The following EVA1A variants were observed in gnomAD, a reference collection of about 807,000 sequenced individuals.
EVA1A encodes the protein eva-1 homolog A, regulator of programmed cell death.
In EVA1A, 7 loss-of-function variants were observed where a neutral mutation model predicts 9.8. That is an observed-to-expected ratio of 0.71 (90% confidence interval 0.41 to 1.34). The LOEUF is 1.34. Among genes scored for constraint, EVA1A ranks in the 40% most tolerant of loss-of-function variants. EVA1A has a pLI of 0.01. For missense variants in EVA1A, 206 were observed against 205.9 expected, an observed-to-expected ratio of 1.00 and a Z score of 0.00; for synonymous variants, 90 against 85.6, an observed-to-expected ratio of 1.05 and a Z score of -0.28.
chr2:75,532,428 C>T (rs1391982484), intron 1 of EVA1A, among the ~76,000 whole-genome samples: 6 of 152,034 alleles, frequency 3.9e-5, no homozygotes, highest in African/African-American at 1.2e-4. Context: ...TAAAAGCCAA[C>T]GTTTATTAAG....
At chr2:75,519,206 C>T (rs1026948771) in intron 2 of EVA1A, among the ~76,000 whole-genome samples, 12 of 152,180 alleles carry the variant, frequency 7.9e-5, no homozygotes, top group African/African-American at 2.7e-4. Context: ...AGACCCAATT[C>T]GATGCTGCTA....
chr2:75,559,706 G>GT (rs386390503), intron 1 of EVA1A, among the ~76,000 whole-genome samples: 1 of 131,220 alleles, frequency 7.6e-6, no homozygotes, highest in Non-Finnish European at 1.6e-5. Context: ...GTGGGGGGGG[G>GT]GCGGGGGAGT....
chr2:75,565,338 A>G (rs764474959), upstream of EVA1A, among the ~76,000 whole-genome samples: 12 of 152,218 alleles, frequency 7.9e-5, no homozygotes, highest in Non-Finnish European at 1.3e-4. Flanking sequence ...AGCCACTTCT[A>G]TAGGAAATGC....
intron 1 of EVA1A, among the ~76,000 whole-genome samples, chr2:75,543,859 C>T (rs1185875443): frequency 6.6e-6 from 1 of 152,154 alleles, no homozygotes; most frequent in Non-Finnish European, 1.5e-5. Context: ...CCAAGCCAGC[C>T]CTGCTAAAGA....
At position 75,494,581 on chromosome 2, in the gene EVA1A, G is replaced by T. The variant is rs530467196; in HGVS notation, c.86-972C>A. On this transcript the variant is annotated intron_variant, in intron 3 of 3. Coordinates refer to ENST00000393913, the MANE Select transcript of EVA1A (RefSeq NM_001135032.2). The stretch of plus-strand genomic sequence containing the variant: ...CTTTGGCCAACACCCTTTGAGGAAT[G>T]GTGCCAACAGCCATGTGAATGAGCT... Among the ~76,000 whole-genome samples the T allele has an allele frequency of 2.6e-5, 4 of 152,308 alleles. No individual in the cohort carries two copies. In the East Asian group the frequency reaches 5.8e-4, roughly 22 times the overall value.
chr2:75,540,494 T>C lies in EVA1A; in HGVS notation c.-191-18007A>G, dbSNP rs55841936. On this transcript the variant is annotated intron_variant, in intron 1 of 3. Coordinates refer to ENST00000393913, the MANE Select transcript of EVA1A (RefSeq NM_001135032.2). ...GCAAATGTTGAGTTTCCACAGCTGC[T>C]GGCTTCAGCCTACCCAGAGGAATAG... Among the ~76,000 whole-genome samples the C allele has an allele frequency of 5.3e-3, 801 of 152,320 alleles. 5 individuals carry two copies. Among genetic ancestry groups the C allele is most frequent in the African/African-American group, 0.018 (746 of 41,578 alleles).
At chr2:75,562,239 A>G (rs1676940583), upstream of EVA1A, among the ~76,000 whole-genome samples, 2 of 152,198 alleles carry the variant, frequency 1.3e-5, no homozygotes, top group Admixed American at 1.3e-4. Context: ...GGTGTCTATT[A>G]GAAACACCTG....
chr2:75,509,160 A>C (rs1198449950), intron 3 of EVA1A, among the ~76,000 whole-genome samples: 2 of 152,176 alleles, frequency 1.3e-5, no homozygotes, highest in Non-Finnish European at 2.9e-5. Context: ...ATTTACCTTG[A>C]ATTTAAGGGG....
intron 1 of EVA1A, among the ~76,000 whole-genome samples, chr2:75,533,692 T>C (rs1675762846): frequency 6.6e-6 from 1 of 152,046 alleles, no homozygotes. Flanking sequence ...ATCCCAGCGA[T>C]TTGGGAGGTG....
chr2:75,495,895 T>C (rs1674195048), intron 3 of EVA1A, among the ~76,000 whole-genome samples: 1 of 152,236 alleles, frequency 6.6e-6, no homozygotes, highest in Admixed American at 6.5e-5. Flanking sequence ...TCCTCCTTTG[T>C]TGGTTGTCTT....
At chr2:75,563,721 C>T (rs942262173), upstream of EVA1A, among the ~76,000 whole-genome samples, 5 of 152,194 alleles carry the variant, frequency 3.3e-5, no homozygotes, top group African/African-American at 9.6e-5. Context: ...CCTCTGCCCA[C>T]CCCCATTCTA....
chr2:75,556,393 C>T (rs952399242), intron 1 of EVA1A, among the ~76,000 whole-genome samples: 2 of 152,172 alleles, frequency 1.3e-5, no homozygotes, highest in African/African-American at 4.8e-5. Flanking sequence ...CGAAGTGTGA[C>T]ATCAGAGGCC....
chr2:75,532,517 G>A (rs1295964568), intron 1 of EVA1A, among the ~76,000 whole-genome samples: 1 of 152,138 alleles, frequency 6.6e-6, no homozygotes, highest in Non-Finnish European at 1.5e-5. Flanking sequence ...AGTAAATGGA[G>A]GAGGCAGATG....
chr2:75,512,224 G>A (rs555173162), intron 3 of EVA1A, among the ~76,000 whole-genome samples: 1 of 152,244 alleles, frequency 6.6e-6, no homozygotes, highest in Non-Finnish European at 1.5e-5. Context: ...AATGAGGTCA[G>A]TATTATTAAT....
intron 1 of EVA1A, among the ~76,000 whole-genome samples, chr2:75,527,957 A>G (rs1022826743): frequency 6.6e-6 from 1 of 152,236 alleles, no homozygotes. Context: ...GCCTCTGAAC[A>G]TACATCCTCA....
intron 2 of EVA1A, among the ~76,000 whole-genome samples, chr2:75,521,085 A>G (rs1675213848): frequency 6.6e-6 from 1 of 152,228 alleles, no homozygotes; most frequent in Admixed American, 6.5e-5. Flanking sequence ...ATATACAAGT[A>G]GTCAATAGGC....
chr2:75,544,249 C>T (rs1676245304), intron 1 of EVA1A, among the ~76,000 whole-genome samples: 1 of 152,166 alleles, frequency 6.6e-6, no homozygotes, highest in Non-Finnish European at 1.5e-5. Flanking sequence ...ATCACCCTGG[C>T]CCCCTAGCGC....
At chr2:75,555,338 C>CTCTCT (rs1553421964) in intron 1 of EVA1A, among the ~76,000 whole-genome samples, 727 of 40,088 alleles carry the variant, frequency 0.018, 7 homozygotes, top group African/African-American at 0.05. Flanking sequence ...TCTCTCTCTC[C>CTCTCT]CCCATCTCCC....
At chr2:75,539,903 GC>G (rs1329529887) in intron 1 of EVA1A, among the ~76,000 whole-genome samples, 2 of 152,172 alleles carry the variant, frequency 1.3e-5, no homozygotes, top group African/African-American at 4.8e-5. Context: ...TGTTGCCAAA[GC>G]CCAGGAGCCA....
Sources: gnomAD v4.1 joint callset for allele counts (sites outside exome capture counted in the v4.1 genomes callset) on GRCh38, gnomAD v4.1.1 for gene constraint, MANE v1.5 for transcripts, NCBI Gene and HGNC (gene_info 2026-07-23, HGNC 2026-07-21) for gene names.